Variants in NAALADL2 observed in about 807,000 individuals in gnomAD.
NAALADL2 encodes inactive N-acetylated-alpha-linked acidic dipeptidase-like protein 2.
NAALADL2 carries 76 observed loss-of-function variants against 87.2 expected under a neutral mutation model. The observed-to-expected ratio is 0.87, with a 90% CI of 0.72 to 1.05. The LOEUF (loss-of-function observed/expected upper bound fraction) is 1.05. NAALADL2 is among the 50% of genes least tolerant of loss of function. NAALADL2 has a pLI of 0.00. For missense variants in NAALADL2, 1,089 were observed against 945.8 expected, an observed-to-expected ratio of 1.15 and a Z score of -1.99; for synonymous variants, 354 against 331.0, an observed-to-expected ratio of 1.07 and a Z score of -0.75.
At chr3:175,314,907 T>C (rs1758942599) in intron 4 of NAALADL2, among the ~76,000 whole-genome samples, 1 of 151,626 alleles carries the variant, frequency 6.6e-6, no homozygotes, top group Non-Finnish European at 1.5e-5. Context: ...TATTATTTTC[T>C]GCTAGGCACT....
Position 175,039,437 on chromosome 3 carries a change from C to T in NAALADL2, c.44-57353C>T, listed in dbSNP as rs150016676. On this transcript the variant is annotated intron_variant, in intron 1 of 13. Transcript: ENST00000454872. Reference sequence around the variant, plus strand: ...TGTCTTTAACTGAATAGGATACCTACACAATCCCTCCTCCTTTATGCAGCT... The same window carrying T: ...TGTCTTTAACTGAATAGGATACCTATACAATCCCTCCTCCTTTATGCAGCT... 2.7e-3 allele frequency among the ~76,000 whole-genome samples: 412 copies of T among 152,284 alleles called. 1 individual carries two copies. The highest frequency in any genetic ancestry group is 9.2e-3 in the African/African-American group (381 of 41,562).
intron 5 of NAALADL2, among the ~76,000 whole-genome samples, chr3:175,339,962 A>C (rs1031329876): frequency 6.6e-6 from 1 of 152,126 alleles, no homozygotes; most frequent in Non-Finnish European, 1.5e-5. Context: ...TCAACACATC[A>C]TTATTTAAAA....
chr3:175,070,036 T>C (rs1305512170), intron 1 of NAALADL2, among the ~76,000 whole-genome samples: 1 of 143,030 alleles, frequency 7.0e-6, no homozygotes, highest in African/African-American at 2.5e-5. Flanking sequence ...GGGGGAGGGA[T>C]AGCTTTAGGA....
intron 1 of NAALADL2, among the ~76,000 whole-genome samples, chr3:175,013,301 A>ATTTTTTTT (rs753716843): frequency 4.9e-4 from 35 of 72,048 alleles, no homozygotes; most frequent in African/African-American, 1.9e-3. Context: ...ATATATATAT[A>ATTTTTTTT]TTTTTTTTTT....
intron 1 of NAALADL2, among the ~76,000 whole-genome samples, chr3:174,491,997 C>T (rs757925275): frequency 2.0e-5 from 3 of 152,082 alleles, no homozygotes; most frequent in African/African-American, 4.8e-5. Flanking sequence ...AGGCCAGGCA[C>T]GGTGGCTCAT....
intron 10 of NAALADL2, among the ~76,000 whole-genome samples, chr3:175,604,617 AGTC>A (rs1723438925): frequency 1.3e-5 from 2 of 152,184 alleles, no homozygotes; most frequent in East Asian, 3.9e-4. Flanking sequence ...ATTTTTTTAA[AGTC>A]TTCCCATTTC....
intron 9 of NAALADL2, among the ~76,000 whole-genome samples, chr3:175,556,950 A>C (rs912096829): frequency 3.9e-5 from 6 of 152,226 alleles, no homozygotes; most frequent in African/African-American, 1.4e-4. Context: ...ATGCTGACAA[A>C]GCCTAGAAAT....
At chr3:175,473,196 A>G (rs1010814212) in intron 9 of NAALADL2, among the ~76,000 whole-genome samples, 1 of 152,120 alleles carries the variant, frequency 6.6e-6, no homozygotes, top group Non-Finnish European at 1.5e-5. Context: ...CAGGACTAAA[A>G]TATTTCAGTA....
chr3:175,156,182 A>T (rs894392738), intron 2 of NAALADL2, among the ~76,000 whole-genome samples: 1 of 152,180 alleles, frequency 6.6e-6, no homozygotes, highest in African/African-American at 2.4e-5. Flanking sequence ...AGGGAGGAAC[A>T]AATACTTATT....
intron 1 of NAALADL2, among the ~76,000 whole-genome samples, chr3:175,047,512 C>T (rs936919945): frequency 6.6e-6 from 1 of 151,904 alleles, no homozygotes; most frequent in Non-Finnish European, 1.5e-5. Context: ...AAATCACTTT[C>T]CAATAATACT....
intron 3 of NAALADL2, among the ~76,000 whole-genome samples, chr3:174,764,901 T>G (rs1578837622): frequency 6.6e-6 from 1 of 152,106 alleles, no homozygotes; most frequent in Non-Finnish European, 1.5e-5. Context: ...CAGGGAAAAT[T>G]TATTTGTATG....
At chr3:175,748,140 T>C (rs985661018) in intron 12 of NAALADL2, among the ~76,000 whole-genome samples, 1 of 152,194 alleles carries the variant, frequency 6.6e-6, no homozygotes, top group Non-Finnish European at 1.5e-5. Flanking sequence ...CCTTAAATAA[T>C]ATCTTTTTAT....
At chr3:175,446,795 A>G (rs1720776179) in intron 5 of NAALADL2, among the ~76,000 whole-genome samples, 1 of 152,134 alleles carries the variant, frequency 6.6e-6, no homozygotes, top group African/African-American at 2.4e-5. Flanking sequence ...GTTCGGTGGT[A>G]CAAACAGCAT....
chr3:175,698,973 CTT>C (rs1738595875), intron 11 of NAALADL2, among the ~76,000 whole-genome samples: 1 of 151,962 alleles, frequency 6.6e-6, no homozygotes, highest in Non-Finnish European at 1.5e-5. Context: ...TAAGCTCAAA[CTT>C]TGAATAGTTA....
intron 5 of NAALADL2, among the ~76,000 whole-genome samples, chr3:175,427,460 T>C (rs1717013209): frequency 6.6e-6 from 1 of 152,196 alleles, no homozygotes; most frequent in Non-Finnish European, 1.5e-5. Flanking sequence ...ATTCACGTTA[T>C]ATACAGTAAT....
intron 1 of NAALADL2, among the ~76,000 whole-genome samples, chr3:175,082,228 C>T (rs896683275): frequency 3.9e-5 from 6 of 152,118 alleles, no homozygotes; most frequent in Non-Finnish European, 7.4e-5. Flanking sequence ...TTGTTTTCTA[C>T]TAATAATGAC....
chr3:174,875,803 G>A (rs1246177204), intron 1 of NAALADL2, among the ~76,000 whole-genome samples: 3 of 151,432 alleles, frequency 2.0e-5, no homozygotes, highest in East Asian at 3.9e-4. Context: ...TGCTGGTAAC[G>A]ATTAAGGTGG....
chr3:174,911,945 T>C (rs1733761814), intron 1 of NAALADL2, among the ~76,000 whole-genome samples: 3 of 152,136 alleles, frequency 2.0e-5, no homozygotes, highest in Admixed American at 6.5e-5. Context: ...GACTTATAGC[T>C]GTCTTCCACT....
chr3:175,537,868 C>T (rs539738904), intron 9 of NAALADL2, among the ~76,000 whole-genome samples: 3 of 152,196 alleles, frequency 2.0e-5, no homozygotes, highest in South Asian at 4.2e-4. Flanking sequence ...GTTAAATATT[C>T]GAAATCTGAA....
Sources: allele counts gnomAD v4.1 joint callset (sites outside exome capture counted in the v4.1 genomes callset), GRCh38; gene constraint gnomAD v4.1.1; transcripts MANE v1.5; gene names NCBI Gene and HGNC (gene_info 2026-07-23, HGNC 2026-07-21).